Variants in IL1RAPL1 observed in about 807,000 individuals in gnomAD.
IL1RAPL1 encodes the protein interleukin 1 receptor accessory protein like 1.
IL1RAPL1 carries 3 observed loss-of-function variants against 48.4 expected under a neutral mutation model. The ratio of observed to expected loss-of-function variants is 0.06; its 90% confidence interval spans 0.03 to 0.16. The LOEUF (loss-of-function observed/expected upper bound fraction) is 0.16. Ranked by LOEUF, IL1RAPL1 falls within the 10% of genes least tolerant of loss-of-function variation. IL1RAPL1 has a pLI of 1.00. For synonymous variants in IL1RAPL1, 185 were observed against 187.7 expected (o/e 0.99, Z 0.12); for missense variants, 349 against 530.6 (o/e 0.66, Z 3.36).
intron 5 of IL1RAPL1, among the ~76,000 whole-genome samples, chrX:29,604,809 C>T: frequency 9.0e-6 from 1 of 110,728 alleles, no homozygotes; most frequent in Non-Finnish European, 1.9e-5. Context: ...ACAGAAGGTG[C>T]TGTTGGTTGC....
At chrX:29,028,161 T>C (rs995775040) in intron 2 of IL1RAPL1, among the ~76,000 whole-genome samples, 1 of 110,849 alleles carries the variant, frequency 9.0e-6, no homozygotes, top group African/African-American at 3.3e-5. Flanking sequence ...TTACTAACTG[T>C]AATCCCTATT....
intron 3 of IL1RAPL1, among the ~76,000 whole-genome samples, chrX:29,381,318 A>G (rs1371889299): frequency 1.9e-5 from 2 of 106,486 alleles, no homozygotes; most frequent in Non-Finnish European, 3.9e-5. Context: ...GGAGATTTTT[A>G]TATGATAAAT....
At chrX:28,774,925 A>G (rs1053821208) in intron 1 of IL1RAPL1, among the ~76,000 whole-genome samples, 1 of 111,299 alleles carries the variant, frequency 9.0e-6, no homozygotes, top group Non-Finnish European at 1.9e-5. Flanking sequence ...TTTACTCACT[A>G]ACCATACCCG....
intron 3 of IL1RAPL1, among the ~76,000 whole-genome samples, chrX:29,302,649 A>G (rs1202662675): frequency 8.9e-6 from 1 of 112,090 alleles, no homozygotes; most frequent in Non-Finnish European, 1.9e-5. Flanking sequence ...GAAACTTTAC[A>G]CAAAAAGGTT....
At chrX:29,472,894 T>C (rs1205504738) in intron 5 of IL1RAPL1, among the ~76,000 whole-genome samples, 1 of 112,385 alleles carries the variant, frequency 8.9e-6, no homozygotes, top group African/African-American at 3.2e-5. Flanking sequence ...AATTCTTTTC[T>C]TTATGTCTAA....
chrX:29,134,154 AAATATT>A (rs948272112), intron 2 of IL1RAPL1, among the ~76,000 whole-genome samples: 2 of 112,110 alleles, frequency 1.8e-5, no homozygotes, highest in African/African-American at 6.5e-5. Context: ...AAGCTGCTAT[AAATATT>A]TGTGTGCAGG....
intron 2 of IL1RAPL1, among the ~76,000 whole-genome samples, chrX:28,902,512 C>T (rs1029821744): frequency 1.8e-5 from 2 of 111,919 alleles, no homozygotes; most frequent in African/African-American, 6.5e-5. Context: ...TCACTCTAAC[C>T]GATTTTTGTT....
chrX:29,443,091 T>A (rs2147720486), intron 5 of IL1RAPL1, among the ~76,000 whole-genome samples: 1 of 111,175 alleles, frequency 9.0e-6, no homozygotes, highest in African/African-American at 3.3e-5. Context: ...TTTTGTTCTT[T>A]GCAACCTAAA....
chrX:28,723,503 G>A (rs757505900), intron 1 of IL1RAPL1, among the ~76,000 whole-genome samples: 1 of 110,994 alleles, frequency 9.0e-6, no homozygotes, highest in South Asian at 3.8e-4. Context: ...TGTTAGTCTT[G>A]CTAGCAGTCT....
At chrX:29,839,768 A>T (rs1055965510) in intron 6 of IL1RAPL1, among the ~76,000 whole-genome samples, 3 of 110,845 alleles carry the variant, frequency 2.7e-5, no homozygotes, top group Non-Finnish European at 5.7e-5. Context: ...TATTTTTTTT[A>T]AAAATTAGCC....
Position 28,980,389 on chromosome X carries a change from G to A in IL1RAPL1, c.82+190964G>A, listed in dbSNP as rs776058199. On this transcript the variant is annotated intron_variant, in intron 2 of 10. Transcript: ENST00000378993. Reference sequence around the variant, plus strand: ...CTCATATTTATATATCAAGTCAAACGTCTGTTAACGTGTGAAGTTTATTAT... The same window carrying A: ...CTCATATTTATATATCAAGTCAAACATCTGTTAACGTGTGAAGTTTATTAT... Among the ~76,000 whole-genome samples, 482 of 112,367 alleles carry A rather than the reference G, an allele frequency of 4.3e-3. 4 individuals carry two copies. Among genetic ancestry groups the A allele is most frequent in the African/African-American group, 0.015 (453 of 30,952 alleles).
At chrX:29,577,385 CTCCTCA>C (rs1922811370) in intron 5 of IL1RAPL1, among the ~76,000 whole-genome samples, 2 of 111,656 alleles carry the variant, frequency 1.8e-5, no homozygotes, top group Non-Finnish European at 3.8e-5. Flanking sequence ...GTTAATTCCA[CTCCTCA>C]TCCTCATCCT....
At chrX:29,099,152 CAAACA>C (rs60417699) in intron 2 of IL1RAPL1, among the ~76,000 whole-genome samples, 24,223 of 109,389 alleles carry the variant, frequency 0.22, 2,704 homozygotes, top group African/African-American at 0.41. Context: ...AACTGCGTCT[CAAACA>C]AAACAAAACA....
intron 8 of IL1RAPL1, among the ~76,000 whole-genome samples, chrX:29,928,826 A>G (rs1932915013): frequency 8.9e-6 from 1 of 111,994 alleles, no homozygotes; most frequent in South Asian, 3.7e-4. Context: ...TTTGACAACC[A>G]GGTCAGTAAA....
chrX:29,263,015 T>A (rs1931888119), intron 2 of IL1RAPL1, among the ~76,000 whole-genome samples: 1 of 111,891 alleles, frequency 8.9e-6, no homozygotes, highest in South Asian at 3.7e-4. Flanking sequence ...TAGCATCAAT[T>A]TAGAGATGTT....
intron 2 of IL1RAPL1, among the ~76,000 whole-genome samples, chrX:29,119,356 A>G (rs1928736983): frequency 9.0e-6 from 1 of 111,625 alleles, no homozygotes; most frequent in African/African-American, 3.2e-5. Context: ...TGGCACACTT[A>G]CAAGAGACTT....
intron 3 of IL1RAPL1, among the ~76,000 whole-genome samples, chrX:29,337,106 T>G (rs1933006982): frequency 8.9e-6 from 1 of 111,793 alleles, no homozygotes; most frequent in South Asian, 3.8e-4. Context: ...TGGGGTATTG[T>G]GTTCTGAGTT....
intron 2 of IL1RAPL1, among the ~76,000 whole-genome samples, chrX:29,033,215 A>G (rs1401136044): frequency 9.0e-6 from 1 of 111,632 alleles, no homozygotes; most frequent in Non-Finnish European, 1.9e-5. Flanking sequence ...TATAAATATT[A>G]TATGAGCTCT....
chrX:29,655,598 GGTT>G (rs1925652197), intron 5 of IL1RAPL1, among the ~76,000 whole-genome samples: 1 of 102,497 alleles, frequency 9.8e-6, no homozygotes, highest in Admixed American at 1.1e-4. Context: ...GGGAGACGGA[GGTT>G]GCAGTTAGCT....
Sources: allele counts gnomAD v4.1 joint callset (sites outside exome capture counted in the v4.1 genomes callset), GRCh38; gene constraint gnomAD v4.1.1; transcripts MANE v1.5; gene names NCBI Gene and HGNC (gene_info 2026-07-23, HGNC 2026-07-21).